Variants in ANK2 observed in about 807,000 individuals in gnomAD.
The protein encoded by ANK2 is ankyrin 2.
A neutral mutation model predicts 360.5 loss-of-function variants in ANK2; 83 were observed. The ratio of observed to expected loss-of-function variants is 0.23; its 90% confidence interval spans 0.19 to 0.28. The LOEUF is 0.28. Ranked by LOEUF, ANK2 falls within the 10% of genes least tolerant of loss-of-function variation. ANK2 has a pLI of 1.00. For synonymous variants in ANK2, 1,740 were observed against 1,759.5 expected (o/e 0.99, Z 0.28); for missense variants, 4,201 against 4,795.7 (o/e 0.88, Z 3.66).
intron 1 of ANK2, among the ~76,000 whole-genome samples, chr4:113,137,358 G>C (rs74809837): frequency 6.6e-6 from 1 of 152,156 alleles, no homozygotes; most frequent in African/African-American, 2.4e-5. Context: ...AGGACTGGAT[G>C]TATGGGAAAG....
chr4:112,952,815 C>A lies in ANK2; in HGVS notation c.21+48301C>A, dbSNP rs1365405912. On this transcript the variant is annotated intron_variant, in intron 2 of 30. Transcript: ENST00000503271. ...TTTAATATGCTTCCTCATATTGTCT[C>A]ATCTGACCCTCCTACAAATCTGTAA... Among the ~76,000 whole-genome samples, 3 of 152,088 alleles carry A rather than the reference C, an allele frequency of 2.0e-5. No individual in the cohort carries two copies. The East Asian group carries it at 5.8e-4, about 29-fold the overall frequency.
At position 113,282,364 on chromosome 4, in the gene ANK2, C is replaced by T. The variant is rs76387563; in HGVS notation, c.1882-311C>T. ...TCATCCCCAGTATTTAAAGGATGGT[C>T]ATGTAGAAGAGGAACCTGGCTTATC... On this transcript the variant is annotated intron_variant, in intron 17 of 45. Coordinates refer to ENST00000357077, the MANE Select transcript of ANK2 (RefSeq NM_001148.6). Among the ~76,000 whole-genome samples the T allele has an allele frequency of 1.6e-4, 25 of 152,226 alleles. No individual in the cohort carries two copies. The East Asian group carries it at 4.8e-3, about 29-fold the overall frequency.
At chr4:112,998,686 TTAAA>T (rs2049519407) in intron 2 of ANK2, among the ~76,000 whole-genome samples, 1 of 152,192 alleles carries the variant, frequency 6.6e-6, no homozygotes, top group Non-Finnish European at 1.5e-5. Context: ...GGAAAGTGTG[TTAAA>T]TAAAGTTAAG....
At position 113,353,575 on chromosome 4, in the gene ANK2, G is replaced by A. The variant is rs1223387395; in HGVS notation, c.4957G>A (p.Glu1653Lys). 1 of 1,613,972 alleles carries A rather than the reference G, an allele frequency of 6.2e-7. No individual in the cohort carries two copies. Among genetic ancestry groups the A allele is most frequent in the South Asian group, 1.1e-5 (1 of 91,074 alleles). Residue 1653 changes from glutamate (E) to lysine (K), a missense_variant, in exon 38 of 46, where the codon GAG (glutamate) becomes AAG (lysine). Around this residue, in one of 4 missense-constraint regions of ANK2, gnomAD observed 1,268 missense variants for 1,650.8 expected, o/e 0.77. Coordinates refer to ENST00000357077, the MANE Select transcript of ANK2 (RefSeq NM_001148.6). Reference protein sequence around the residue: ...DLNTCVPLPKEQLQTVQDKAG... With the variant: ...DLNTCVPLPKKQLQTVQDKAG... ...GAATACCTGTGTGCCTCTTCCCAAA[G>A]AGCAGCTGCAGACAGTTCAAGATAA...
chr4:112,754,138 TATATATATATAA>T, the ANK2 span, among the ~76,000 whole-genome samples: 4 of 124,446 alleles, frequency 3.2e-5, no homozygotes, highest in African/African-American at 9.3e-5. Context: ...TATATATATA[TATATATATATAA>T]AATTGCATGG....
At chr4:112,832,121 A>C (rs553122755) in intron 1 of ANK2, among the ~76,000 whole-genome samples, 49 of 152,302 alleles carry the variant, frequency 3.2e-4, no homozygotes, top group South Asian at 8.3e-4. Context: ...CTACAATCTC[A>C]GGCCACTGCA....
chr4:113,336,581 A>C lies in ANK2; in HGVS notation c.3596A>C (p.Gln1199Pro), dbSNP rs767923687. 1.2e-6 allele frequency: 2 copies of C among 1,614,036 alleles called. No homozygotes were observed. Among genetic ancestry groups the C allele is most frequent in the Non-Finnish European group, 1.7e-6 (2 of 1,179,952 alleles). ...GTGTGTTTTTACTTTGAAAAGGCTC[A>C]ACCTATGCACAGTGAGCTGGTTAAG... Reference protein sequence around the residue: ...TKRIRVGLQAQPMHSELVKKI... With the variant: ...TKRIRVGLQAPPMHSELVKKI... Residue 1199 changes from glutamine (Q) to proline (P), a missense_variant, in exon 31 of 46, where the codon CAA becomes CCA. Gln to Pro is a moderately conservative substitution (Grantham distance 76). This residue lies in a region of ANK2 where 1,268 missense variants were observed against 1,650.8 expected (regional missense o/e 0.77). Coordinates refer to ENST00000357077, the MANE Select transcript of ANK2 (RefSeq NM_001148.6).
At chr4:113,375,209 G>A (rs996257519) in intron 45 of ANK2, among the ~76,000 whole-genome samples, 1 of 152,124 alleles carries the variant, frequency 6.6e-6, no homozygotes, top group Admixed American at 6.5e-5. Context: ...AGAATCTCTG[G>A]AGCTGGTATA....
chr4:113,005,359 T>C (rs1026284774), intron 2 of ANK2, among the ~76,000 whole-genome samples: 1 of 152,094 alleles, frequency 6.6e-6, no homozygotes, highest in Non-Finnish European at 1.5e-5. Context: ...AAGGAAAGAA[T>C]GGATAAAGAA....
chr4:113,311,588 T>G (rs1190582002), intron 24 of ANK2, among the ~76,000 whole-genome samples, 189 bp downstream of exon 24: 1 of 152,192 alleles, frequency 6.6e-6, no homozygotes, highest in Non-Finnish European at 1.5e-5. Context: ...AACAGAAAAC[T>G]GAGGCCTAGA....
rs111234203 is a variant in ANK2 at position 112,834,312 on chromosome 4, A to G, written c.-40+16048A>G. On this transcript the variant is annotated intron_variant, in intron 1 of 30. Transcript: ENST00000503271. ...AGAGAAGCATCTTGAAATATTTATGACTGAAATGATATGTTCTCTGACGTT... is the reference window on the plus strand; with the variant it reads ...AGAGAAGCATCTTGAAATATTTATGGCTGAAATGATATGTTCTCTGACGTT... Among the ~76,000 whole-genome samples the G allele has an allele frequency of 3.0e-3, 456 of 152,318 alleles. 1 individual carries two copies. Among genetic ancestry groups the G allele is most frequent in the African/African-American group, 0.01 (427 of 41,570 alleles).
At chr4:113,184,137 A>C (rs1017745141) in intron 2 of ANK2, among the ~76,000 whole-genome samples, 2 of 150,860 alleles carry the variant, frequency 1.3e-5, no homozygotes, top group African/African-American at 4.9e-5. Flanking sequence ...AAGAAGCTTA[A>C]AAGGGATATT....
intron 1 of ANK2, among the ~76,000 whole-genome samples, chr4:113,068,174 C>T (rs373173983): frequency 6.6e-6 from 1 of 152,164 alleles, no homozygotes; most frequent in Non-Finnish European, 1.5e-5. Context: ...TCACTATTGC[C>T]TTGATGAGCA....
In ANK2 at chr4:113,339,258, A is replaced by T. The variant is rs1385787370; in HGVS notation, c.3829A>T (p.Thr1277Ser). 9.9e-6 allele frequency: 16 copies of T among 1,613,906 alleles called. No homozygotes were observed. The highest frequency in any genetic ancestry group is 1.4e-5 in the Non-Finnish European group (16 of 1,180,002). Residue 1277 changes from threonine to serine, a missense_variant, in exon 32 of 46, where the codon ACA (threonine) becomes TCA (serine). By Grantham distance (58) the Thr-to-Ser change is moderately conservative. This residue lies in a region of ANK2 where 1,268 missense variants were observed against 1,650.8 expected (regional missense o/e 0.77). Transcript: ENST00000357077. ...CACCCCTGCCCAGTGGGAAGATATT[A>T]CAGGAACTACGCCATTAACATTTGT... ...GTTPAQWEDI[T>S]GTTPLTFVNE...
intron 4 of ANK2, among the ~76,000 whole-genome samples, chr4:113,229,653 G>A (rs1488292555): frequency 1.3e-5 from 2 of 152,148 alleles, no homozygotes; most frequent in African/African-American, 4.8e-5. Flanking sequence ...TTGGGAACAC[G>A]TAGGCAGGGA....
chr4:112,801,905 C>T, the ANK2 span, among the ~76,000 whole-genome samples: 1 of 150,744 alleles, frequency 6.6e-6, no homozygotes, highest in African/African-American at 2.4e-5. Context: ...ACTCTAGCTA[C>T]GGTACAGAGT....
chr4:112,928,192 A>G (rs1380485989), intron 2 of ANK2, among the ~76,000 whole-genome samples: 1 of 152,194 alleles, frequency 6.6e-6, no homozygotes, highest in African/African-American at 2.4e-5. Context: ...ACTACACTGG[A>G]CTTCACATTA....
intron 1 of ANK2, among the ~76,000 whole-genome samples, chr4:112,829,017 C>T (rs79584072): frequency 0.021 from 3,230 of 152,068 alleles, 115 homozygotes; most frequent in African/African-American, 0.074. Flanking sequence ...ATTAGCCGGG[C>T]GTGGTGGCGC....
At chr4:112,975,712 C>T (rs1457790898) in intron 2 of ANK2, among the ~76,000 whole-genome samples, 2 of 152,026 alleles carry the variant, frequency 1.3e-5, no homozygotes, top group Admixed American at 6.5e-5. Flanking sequence ...TCTTTTTTTG[C>T]CCAAATGCTT....
Sources: gnomAD v4.1 joint callset for allele counts (sites outside exome capture counted in the v4.1 genomes callset) on GRCh38, gnomAD v4.1.1 for gene constraint, gnomAD v4.1.1 regional missense constraint, MANE v1.5 for transcripts, NCBI Gene and HGNC (gene_info 2026-07-23, HGNC 2026-07-21) for gene names.